The following ENOSF1 variants were observed in gnomAD, a reference collection of about 807,000 sequenced individuals.
ENOSF1 encodes enolase superfamily member 1.
A neutral mutation model predicts 68.2 loss-of-function variants in ENOSF1; 73 were observed. The observed-to-expected ratio is 1.07, with a 90% CI of 0.89 to 1.30. ENOSF1 has a LOEUF of 1.30. ENOSF1 is among the 50% of genes most tolerant of loss of function. The pLI is 0.00. For missense variants in ENOSF1, 589 were observed against 554.5 expected (o/e 1.06, Z -0.62); for synonymous variants, 223 against 210.4 (o/e 1.06, Z -0.52).
intron 14 of ENOSF1, 120 bp from the exon 15 acceptor site, chr18:675,522 G>T: frequency 1.2e-6 from 1 of 843,036 alleles, no homozygotes; most frequent in Non-Finnish European, 2.0e-6. Flanking sequence ...AGGCTTAGCT[G>T]TGTTACCATG....
rs1295569705 is a variant in ENOSF1 at position 670,623 on chromosome 18, T to C, written c.*3682A>G. 2 of 1,553,590 alleles carry C rather than the reference T, an allele frequency of 1.3e-6. No homozygotes were observed. The highest frequency in any genetic ancestry group is 4.5e-5 in the East Asian group (2 of 44,434). ...GAGTTGGCTTCTGTTTCTCTCCTGT[T>C]TTACTTTGCCTTTAGCTGTGGTCTT... On this transcript the variant is annotated 3_prime_UTR_variant, in exon 16 of 16. Transcript: ENST00000647584.
At position 708,191 on chromosome 18, in the gene ENOSF1, C is replaced by A. The variant is rs188876402; in HGVS notation, c.85-1613G>T. On this transcript the variant is annotated intron_variant, in intron 1 of 15. Coordinates refer to ENST00000647584, the MANE Select transcript of ENOSF1 (RefSeq NM_017512.7). Reference sequence around the variant, plus strand: ...TAAATTATGAAGGCAGATTTTAAATCCCTGTATTGGGGTGTCGTGGCTGAG... The same window carrying A: ...TAAATTATGAAGGCAGATTTTAAATACCTGTATTGGGGTGTCGTGGCTGAG... Among the ~76,000 whole-genome samples, 39 of 151,316 alleles carry A rather than the reference C, an allele frequency of 2.6e-4. No homozygotes were observed. The East Asian group carries it at 7.3e-3, about 28-fold the overall frequency.
At chr18:712,211 A>G in intron 1 of ENOSF1, 1 of 1,451,822 alleles carries the variant, frequency 6.9e-7, no homozygotes, top group Non-Finnish European at 9.3e-7. Context: ...ATACTTATAC[A>G]ATTGCTCCAA....
At position 683,270 on chromosome 18, in the gene ENOSF1, A is replaced by G. The variant is rs1286508742; in HGVS notation, c.852T>C (p.Ile284=). 1 of 1,613,862 alleles carries G rather than the reference A, an allele frequency of 6.2e-7. No individual in the cohort carries two copies. The highest frequency in any genetic ancestry group is 8.5e-7 in the Non-Finnish European group (1 of 1,179,898). Residue 284 remains isoleucine, a synonymous_variant, in exon 11 of 16, where the codon ATT becomes ATC. Transcript: ENST00000647584. ...WIEEPTSPDD[I]LGHATISKAL... The stretch of plus-strand genomic sequence containing the variant: ...CCTTGGAAATGGTGGCGTGCCCCAG[A>G]ATGTCATCAGGGGAGGTTGGCTCCT...
At chr18:675,896 G>T (rs1044561814) in intron 14 of ENOSF1, among the ~76,000 whole-genome samples, 20 of 152,058 alleles carry the variant, frequency 1.3e-4, no homozygotes, top group Non-Finnish European at 5.9e-5. Context: ...GCACTGTGAG[G>T]CTTTCTCGGT....
intron 5 of ENOSF1, chr18:692,900 G>A: frequency 8.7e-7 from 1 of 1,151,034 alleles, no homozygotes; most frequent in South Asian, 1.8e-5. Flanking sequence ...GCAGTCTCCT[G>A]CCCAACACTC....
At chr18:699,176 G>A (rs1167545752) in intron 2 of ENOSF1, among the ~76,000 whole-genome samples, 6 of 152,096 alleles carry the variant, frequency 3.9e-5, no homozygotes, top group Non-Finnish European at 1.5e-5. Flanking sequence ...TACTTTGAAA[G>A]GATTTCTTGG....
intron 14 of ENOSF1, 165 bp from the exon 15 acceptor site, chr18:675,567 A>G (rs946481749): frequency 1.1e-4 from 69 of 620,580 alleles, no homozygotes; most frequent in Non-Finnish European, 1.8e-4. Flanking sequence ...TCTGTGCCTC[A>G]GGTCCTTTTC....
chr18:689,776 G>C (rs942409781), intron 8 of ENOSF1, among the ~76,000 whole-genome samples: 1 of 152,162 alleles, frequency 6.6e-6, no homozygotes, highest in Non-Finnish European at 1.5e-5. Flanking sequence ...TTTTGTACGT[G>C]AACGAGAGAG....
In ENOSF1 at chr18:671,080, T is replaced by G; in HGVS notation, c.*3225A>C. 1 of 635,248 alleles carries G rather than the reference T, an allele frequency of 1.6e-6. No homozygotes were observed. Among genetic ancestry groups the G allele is most frequent in the Non-Finnish European group, 2.7e-6 (1 of 371,756 alleles). 39.4% of individuals were successfully genotyped at this position (635,248 alleles called of 1,614,324 possible). A position where few individuals can be genotyped will look rare whatever the true frequency, so the allele number is the denominator to read the frequency against. The stretch of plus-strand genomic sequence containing the variant: ...TACGCACTAACAGATCTATACAGGT[T>G]GTTTGTGATACAGCTTCTATGGATT... On this transcript the variant is annotated 3_prime_UTR_variant, in exon 16 of 16. Transcript: ENST00000647584.
At chr18:688,386 G>A (rs760177927) in intron 9 of ENOSF1, 188 bp downstream of exon 9, 11 of 611,010 alleles carry the variant, frequency 1.8e-5, no homozygotes, top group Admixed American at 3.0e-5. Flanking sequence ...TAATTCTAAT[G>A]AGGACTCACA....
Position 674,359 on chromosome 18 carries a change from G to C in ENOSF1, c.1278C>G (p.His426Gln). Residue 426 changes from histidine to glutamine, a missense_variant, in exon 16 of 16, where the codon CAC becomes CAG. Coordinates refer to ENST00000647584, the MANE Select transcript of ENOSF1 (RefSeq NM_017512.7). ...TCCAAACTTCACCATCTGGATACTGGTGTTTCTTTACAGATTCCTCCTTCA... is the reference window on the plus strand; with the variant it reads ...TCCAAACTTCACCATCTGGATACTGCTGTTTCTTTACAGATTCCTCCTTCA... The part of the protein sequence containing the change: ...TEMKEESVKK[H>Q]QYPDGEVWKK... The C allele has an allele frequency of 6.2e-7, 1 of 1,612,984 alleles. No homozygotes were observed. Among genetic ancestry groups the C allele is most frequent in the Non-Finnish European group, 8.5e-7 (1 of 1,179,614 alleles).
At chr18:698,083 T>C (rs183186111) in intron 2 of ENOSF1, among the ~76,000 whole-genome samples, 114 of 152,342 alleles carry the variant, frequency 7.5e-4, no homozygotes, top group African/African-American at 2.7e-3. Flanking sequence ...CATAAGCCAC[T>C]GTGCCCAGCC....
downstream of ENOSF1, chr18:668,974 A>G: frequency 1.0e-6 from 1 of 964,936 alleles, no homozygotes; most frequent in South Asian, 1.7e-5. Flanking sequence ...TCAAGGGGGG[A>G]CCCTGGGTAA....
intron 4 of ENOSF1, 122 bp from the exon 5 acceptor site, chr18:694,030 T>C: frequency 8.7e-7 from 1 of 1,153,920 alleles, no homozygotes; most frequent in Non-Finnish European, 1.3e-6. Context: ...CACCCCCCTC[T>C]ACTGCTGCCT....
chr18:695,425 A>G (rs899346720), intron 3 of ENOSF1, among the ~76,000 whole-genome samples: 4 of 152,156 alleles, frequency 2.6e-5, no homozygotes, highest in African/African-American at 9.7e-5. Context: ...TTTCCAAGTA[A>G]GGAGGTTATT....
At chr18:710,356 T>G (rs2079378461) in intron 1 of ENOSF1, among the ~76,000 whole-genome samples, 1 of 152,196 alleles carries the variant, frequency 6.6e-6, no homozygotes, top group African/African-American at 2.4e-5. Flanking sequence ...GCGATCCACC[T>G]GCCTTGGCCT....
In ENOSF1 at chr18:671,065, C is replaced by T. The variant is rs1404794625; in HGVS notation, c.*3240G>A. On this transcript the variant is annotated 3_prime_UTR_variant, in exon 16 of 16. Coordinates refer to ENST00000647584, the MANE Select transcript of ENOSF1 (RefSeq NM_017512.7). ...TCTGGCCCTGTGGTATACGCACTAA[C>T]AGATCTATACAGGTTGTTTGTGATA... is the stretch of plus-strand genomic sequence containing the variant. The T allele has an allele frequency of 4.7e-6, 3 of 640,146 alleles. No individual in the cohort carries two copies. The highest frequency in any genetic ancestry group is 8.0e-6 in the Non-Finnish European group (3 of 375,960). The allele number at this position is 640,146 out of a possible 1,614,324, so 39.7% of individuals were successfully genotyped here.
At chr18:706,341 A>AGT in intron 2 of ENOSF1, 129 bp downstream of exon 2, 1 of 626,626 alleles carries the variant, frequency 1.6e-6, no homozygotes. Flanking sequence ...CACTTTGAGC[A>AGT]GTGTAAATAC....
Sources: gnomAD v4.1 joint callset for allele counts (sites outside exome capture counted in the v4.1 genomes callset) on GRCh38, gnomAD v4.1.1 for gene constraint, MANE v1.5 for transcripts, NCBI Gene and HGNC (gene_info 2026-07-23, HGNC 2026-07-21) for gene names.